ROS1: variants seen among roughly 807,000 people sequenced by gnomAD.
ROS1 encodes the protein proto-oncogene tyrosine-protein kinase ROS.
A neutral mutation model predicts 273.5 loss-of-function variants in ROS1; 263 were observed. The observed-to-expected ratio is 0.96, with a 90% CI of 0.87 to 1.06. The LOEUF (loss-of-function observed/expected upper bound fraction) is 1.06, where lower values mean the gene tolerates loss of function less well. Among genes scored for constraint, ROS1 ranks in the 50% least tolerant of loss-of-function variants. The pLI is 0.00. For synonymous variants in ROS1, 1,008 were observed against 954.1 expected (o/e 1.06, Z -1.04); for missense variants, 2,833 against 2,751.1 (o/e 1.03, Z -0.67).
chr6:117,371,825 G>A (rs1279810936), intron 18 of ROS1, among the ~76,000 whole-genome samples: 1 of 152,116 alleles, frequency 6.6e-6, no homozygotes, highest in African/African-American at 2.4e-5. Flanking sequence ...CCTGTATAAT[G>A]CAGTAAAGTC....
At chr6:117,346,089 T>A (rs561265991) in intron 27 of ROS1, among the ~76,000 whole-genome samples, 1 of 152,282 alleles carries the variant, frequency 6.6e-6, no homozygotes, top group South Asian at 2.1e-4. Flanking sequence ...TTTGTACTGA[T>A]TTCTGATCTG....
At chr6:117,356,458 T>G (rs1469320426) in intron 26 of ROS1, among the ~76,000 whole-genome samples, 171 bp downstream of exon 26, 1 of 152,226 alleles carries the variant, frequency 6.6e-6, no homozygotes, top group Non-Finnish European at 1.5e-5. Flanking sequence ...AATGCCTACA[T>G]ACAATTTTCC....
chr6:117,331,073 C>T (rs1034660349), intron 32 of ROS1, among the ~76,000 whole-genome samples: 4 of 152,044 alleles, frequency 2.6e-5, no homozygotes, highest in Non-Finnish European at 5.9e-5. Flanking sequence ...TAACCCAATG[C>T]GAAGAAGCTA....
chr6:117,329,893 C>A (rs770816181), intron 32 of ROS1, among the ~76,000 whole-genome samples: 1 of 152,178 alleles, frequency 6.6e-6, no homozygotes. Context: ...GCATCCCAAC[C>A]CTAGAATGTA....
intron 18 of ROS1, among the ~76,000 whole-genome samples, chr6:117,375,087 T>C (rs1310621447): frequency 6.6e-6 from 1 of 152,154 alleles, no homozygotes; most frequent in East Asian, 1.9e-4. Context: ...AAATGTGGTG[T>C]ATATATAATG....
intron 6 of ROS1, among the ~76,000 whole-genome samples, chr6:117,403,717 G>A (rs773536665): frequency 2.6e-5 from 4 of 152,082 alleles, no homozygotes; most frequent in Non-Finnish European, 5.9e-5. Flanking sequence ...GACTAATGAG[G>A]TGAATGGTTA....
chr6:117,402,698 GC>G (rs934929968), intron 7 of ROS1, among the ~76,000 whole-genome samples: 10 of 152,054 alleles, frequency 6.6e-5, no homozygotes, highest in Admixed American at 6.5e-4. Context: ...GACCAGCCTG[GC>G]CAGCATGGTG....
At chr6:117,343,266 T>C (rs1368830105) in intron 28 of ROS1, among the ~76,000 whole-genome samples, 1 of 152,144 alleles carries the variant, frequency 6.6e-6, no homozygotes, top group Non-Finnish European at 1.5e-5. Flanking sequence ...TAGAAATGTG[T>C]AAAAAGGGTT....
chr6:117,402,542 A>G (rs1774028833), intron 7 of ROS1, among the ~76,000 whole-genome samples: 1 of 152,160 alleles, frequency 6.6e-6, no homozygotes, highest in Non-Finnish European at 1.5e-5. Flanking sequence ...CCCACTTACA[A>G]TATACTTTAT....
rs2128622328 is a variant in ROS1 at position 117,341,423 on chromosome 6, C to A, written c.4861G>T (p.Gly1621Cys). ...RLTLLVTRLS[G>C]GNIYVLKVLA... ...ACCTTTAACACATAAATATTTCCAC[C>A]AGACAGTCTAGTAACAAGGAGAGTG... Residue 1621 changes from glycine to cysteine, a missense_variant, in exon 30 of 44, where the codon GGT (glycine) becomes TGT (cysteine). Coordinates refer to ENST00000368507, the MANE Select transcript of ROS1 (RefSeq NM_001378902.1). The A allele has an allele frequency of 6.2e-7, 1 of 1,613,694 alleles. No individual in the cohort carries two copies. The highest frequency in any genetic ancestry group is 8.5e-7 in the Non-Finnish European group (1 of 1,179,666).
At chr6:117,386,305 G>A (rs1371490426) in intron 15 of ROS1, among the ~76,000 whole-genome samples, 1 of 152,168 alleles carries the variant, frequency 6.6e-6, no homozygotes, top group Admixed American at 6.5e-5. Flanking sequence ...CTCCTATGTT[G>A]GTCAGAAATG....
intron 26 of ROS1, 97 bp downstream of exon 26, chr6:117,356,532 T>C (rs775245988): frequency 1.7e-5 from 18 of 1,047,390 alleles, no homozygotes; most frequent in Non-Finnish European, 2.5e-5. Flanking sequence ...ATATCATGTG[T>C]ATATTTGAGT....
Position 117,301,232 on chromosome 6 carries a change from T to A in ROS1, c.6552-95A>T, listed in dbSNP as rs1420231268. On this transcript the variant is annotated intron_variant, in intron 42 of 43. Transcript: ENST00000368507. The stretch of plus-strand genomic sequence containing the variant: ...CATTTTAGAAAGGAAAGAATCTGAG[T>A]TATTGCCAGTTTTCCTTAATTAATA... The A allele has an allele frequency of 3.8e-6, 4 of 1,042,446 alleles. No individual in the cohort carries two copies. In the African/African-American group the frequency reaches 5.0e-5, roughly 13 times the overall value. The allele number at this position is 1,042,446 out of a possible 1,614,324, so 64.6% of individuals were successfully genotyped here. A position where few individuals can be genotyped will look rare whatever the true frequency, so the allele number is the denominator to read the frequency against.
intron 32 of ROS1, among the ~76,000 whole-genome samples, chr6:117,336,458 T>G (rs1388029249): frequency 6.6e-6 from 1 of 152,192 alleles, no homozygotes; most frequent in African/African-American, 2.4e-5. Context: ...TTGCTGAGGT[T>G]AATAGCTTCC....
At chr6:117,405,635 T>C (rs187236205) in intron 5 of ROS1, among the ~76,000 whole-genome samples, 570 of 150,932 alleles carry the variant, frequency 3.8e-3, no homozygotes, top group Admixed American at 7.1e-3. Context: ...TAGCTAAACA[T>C]AGACATATTT....
At chr6:117,311,841 A>G (rs1775573302) in intron 39 of ROS1, among the ~76,000 whole-genome samples, 1 of 152,122 alleles carries the variant, frequency 6.6e-6, no homozygotes, top group Non-Finnish European at 1.5e-5. Context: ...GGAAAATTCA[A>G]AGTTCCTGCC....
intron 19 of ROS1, 89 bp from the exon 20 acceptor site, chr6:117,365,830 TA>T: frequency 9.2e-7 from 1 of 1,085,370 alleles, no homozygotes; most frequent in Non-Finnish European, 1.3e-6. Context: ...TAGCAATTAC[TA>T]ATAATTAGAA....
chr6:117,322,190 T>C (rs1776335432), intron 35 of ROS1, among the ~76,000 whole-genome samples: 1 of 152,118 alleles, frequency 6.6e-6, no homozygotes, highest in Admixed American at 6.6e-5. Context: ...TTTATTCACA[T>C]GAAATTCAAT....
At chr6:117,395,403 C>CA (rs904870591) in intron 9 of ROS1, among the ~76,000 whole-genome samples, 2 of 151,934 alleles carry the variant, frequency 1.3e-5, no homozygotes, top group East Asian at 3.9e-4. Context: ...TAGGAACAGC[C>CA]AAAAAAACAA....
Sources: allele counts gnomAD v4.1 joint callset (sites outside exome capture counted in the v4.1 genomes callset), GRCh38; gene constraint gnomAD v4.1.1; transcripts MANE v1.5; gene names NCBI Gene and HGNC (gene_info 2026-07-23, HGNC 2026-07-21).